The following CDH13 variants were observed in gnomAD, a reference collection of about 807,000 sequenced individuals.
CDH13 encodes the protein cadherin-13.
CDH13 carries 24 observed loss-of-function variants against 63.8 expected under a neutral mutation model. The ratio of observed to expected loss-of-function variants is 0.38; its 90% CI spans 0.27 to 0.53. The LOEUF (loss-of-function observed/expected upper bound fraction) is 0.53, where lower values mean the gene tolerates loss of function less well. Ranked by LOEUF, CDH13 falls within the 20% of genes least tolerant of loss-of-function variation. The pLI is 0.85. For synonymous variants in CDH13, 503 were observed against 355.3 expected, an observed-to-expected ratio of 1.42 and a Z score of -4.67; for missense variants, 1,049 against 903.1, an observed-to-expected ratio of 1.16 and a Z score of -2.07.
chr16:83,484,195 C>T (rs1183512896), intron 6 of CDH13, among the ~76,000 whole-genome samples: 1 of 152,184 alleles, frequency 6.6e-6, no homozygotes, highest in African/African-American at 2.4e-5. Flanking sequence ...GGAAAAAAAA[C>T]TGGCTTTGAT....
intron 1 of CDH13, among the ~76,000 whole-genome samples, chr16:82,805,222 G>A (rs888886651): frequency 6.6e-6 from 1 of 152,144 alleles, no homozygotes; most frequent in African/African-American, 2.4e-5. Flanking sequence ...GTGGGAGAGA[G>A]GTCTTGCAAC....
At chr16:83,028,046 CCACAAACTTT>C (rs1567758479) in intron 2 of CDH13, among the ~76,000 whole-genome samples, 1 of 152,116 alleles carries the variant, frequency 6.6e-6, no homozygotes, top group African/African-American at 2.4e-5. Context: ...TCCAGAACCC[CCACAAACTTT>C]CATATGCCTT....
intron 4 of CDH13, chr16:83,181,198 C>G: frequency 6.0e-6 from 3 of 503,046 alleles, no homozygotes; most frequent in Middle Eastern, 5.7e-4. Context: ...AGGCCTCAGG[C>G]AAGTCATTTA....
intron 2 of CDH13, among the ~76,000 whole-genome samples, chr16:82,910,209 C>A (rs982421066): frequency 2.6e-5 from 4 of 152,164 alleles, no homozygotes; most frequent in Admixed American, 6.5e-5. Flanking sequence ...AAGAATTAAA[C>A]CCTTGTTGTT....
intron 2 of CDH13, among the ~76,000 whole-genome samples, chr16:82,960,882 T>A (rs941840070): frequency 6.6e-6 from 1 of 152,222 alleles, no homozygotes; most frequent in Non-Finnish European, 1.5e-5. Flanking sequence ...AAGAATGCCA[T>A]ACAAATCTTT....
At chr16:83,145,029 A>G (rs944239490) in intron 4 of CDH13, among the ~76,000 whole-genome samples, 3 of 151,652 alleles carry the variant, frequency 2.0e-5, no homozygotes, top group Non-Finnish European at 4.4e-5. Context: ...CGCCGTGGCT[A>G]TGTTGCCACT....
intron 11 of CDH13, among the ~76,000 whole-genome samples, chr16:83,759,730 C>T (rs1298112676): frequency 1.3e-5 from 2 of 151,772 alleles, no homozygotes; most frequent in East Asian, 1.9e-4. Flanking sequence ...AGTTTGAGAC[C>T]AGTGTGAGTA....
chr16:83,087,103 C>G (rs540956342), intron 3 of CDH13, among the ~76,000 whole-genome samples: 26 of 152,198 alleles, frequency 1.7e-4, no homozygotes, highest in African/African-American at 6.0e-4. Context: ...AATCAATGAA[C>G]CAAATAGTTG....
intron 5 of CDH13, among the ~76,000 whole-genome samples, chr16:83,276,114 C>A (rs1298214184): frequency 6.6e-6 from 1 of 152,148 alleles, no homozygotes; most frequent in Non-Finnish European, 1.5e-5. Context: ...GAGGAGCACT[C>A]AGTTCAAACT....
At chr16:82,941,829 G>A (rs888253337) in intron 2 of CDH13, among the ~76,000 whole-genome samples, 5 of 152,198 alleles carry the variant, frequency 3.3e-5, no homozygotes, top group East Asian at 3.9e-4. Flanking sequence ...TTGAGTTCCA[G>A]TCTCAAGCAC....
At chr16:83,595,417 T>C (rs115146981) in intron 7 of CDH13, among the ~76,000 whole-genome samples, 5 of 152,336 alleles carry the variant, frequency 3.3e-5, no homozygotes, top group African/African-American at 9.6e-5. Context: ...TTGAAAACTT[T>C]GTCATCCACT....
intron 6 of CDH13, among the ~76,000 whole-genome samples, chr16:83,483,125 A>T (rs1421711461): frequency 6.6e-6 from 1 of 152,234 alleles, no homozygotes; most frequent in Non-Finnish European, 1.5e-5. Flanking sequence ...ACGGTCACGC[A>T]GCTTGAAAAG....
rs144558819 is a variant in CDH13, at chr16:83,688,859, T to C, written c.1538+10398T>C. ...GTGGTCAGATGTTCTGTTATGAAGA[T>C]GCTGGGGGAAACAAAGCCTCACAAA... is the stretch of plus-strand genomic sequence containing the variant. On this transcript the variant is annotated intron_variant, in intron 10 of 13. Transcript: ENST00000567109. Among the ~76,000 whole-genome samples the C allele has an allele frequency of 4.0e-4, 61 of 152,326 alleles. No homozygotes were observed. In the East Asian group the frequency reaches 0.012, roughly 29 times the overall value.
At chr16:83,008,758 T>C (rs1269244347) in intron 2 of CDH13, among the ~76,000 whole-genome samples, 2 of 152,188 alleles carry the variant, frequency 1.3e-5, no homozygotes, top group East Asian at 1.9e-4. Context: ...TTCTCCCTCC[T>C]TCCTTTCATC....
At chr16:83,738,438 C>G (rs1048394296) in intron 10 of CDH13, among the ~76,000 whole-genome samples, 1 of 152,138 alleles carries the variant, frequency 6.6e-6, no homozygotes, top group Admixed American at 6.5e-5. Context: ...TAATTTTTTT[C>G]TTTTTTCTCC....
intron 2 of CDH13, among the ~76,000 whole-genome samples, chr16:83,020,527 C>T (rs1915250014): frequency 6.6e-6 from 1 of 152,166 alleles, no homozygotes; most frequent in African/African-American, 2.4e-5. Flanking sequence ...AAAAATGGGG[C>T]CACCCTGCTG....
chr16:82,689,367 G>A (rs1473600874), intron 1 of CDH13, among the ~76,000 whole-genome samples: 1 of 152,078 alleles, frequency 6.6e-6, no homozygotes, highest in African/African-American at 2.4e-5. Flanking sequence ...CACTCTTACA[G>A]AAAGCCAATG....
intron 2 of CDH13, among the ~76,000 whole-genome samples, chr16:82,901,278 T>A (rs925486597): frequency 6.6e-6 from 1 of 151,936 alleles, no homozygotes; most frequent in Non-Finnish European, 1.5e-5. Flanking sequence ...CCTTCAAATA[T>A]GATTTACCTG....
At chr16:82,631,809 A>G (rs972491691) in intron 1 of CDH13, among the ~76,000 whole-genome samples, 47 of 152,186 alleles carry the variant, frequency 3.1e-4, no homozygotes, top group African/African-American at 1.1e-3. Flanking sequence ...GGACATTTCT[A>G]ACTTGAAGTG....
Sources: gnomAD v4.1 joint callset for allele counts (sites outside exome capture counted in the v4.1 genomes callset) on GRCh38, gnomAD v4.1.1 for gene constraint, MANE v1.5 for transcripts, NCBI Gene and HGNC (gene_info 2026-07-23, HGNC 2026-07-21) for gene names.